The following MYOM3 variants were observed in gnomAD, a reference collection of about 807,000 sequenced individuals.
MYOM3 encodes the protein myomesin-3.
A neutral mutation model predicts 191.7 loss-of-function variants in MYOM3; 155 were observed. The observed-to-expected ratio is 0.81, with a 90% CI of 0.71 to 0.92. The LOEUF (loss-of-function observed/expected upper bound fraction) is 0.92. Ranked by LOEUF, MYOM3 falls within the 40% of genes least tolerant of loss-of-function variation. The probability of loss-of-function intolerance (pLI) is 0.00; values close to 1 mark genes in which losing one functional copy is unlikely to be tolerated. For synonymous variants in MYOM3, 757 were observed against 762.9 expected (o/e 0.99, Z 0.13); for missense variants, 1,889 against 1,890.6 (o/e 1.00, Z 0.02).
intron 29 of MYOM3, among the ~76,000 whole-genome samples, chr1:24,065,006 T>C (rs1335690049): frequency 1.3e-5 from 2 of 152,214 alleles, no homozygotes; most frequent in Non-Finnish European, 2.9e-5. Context: ...TGTAAAATCA[T>C]GGCATCATCC....
chr1:24,062,405 G>A (rs193256622), intron 32 of MYOM3, among the ~76,000 whole-genome samples: 337 of 152,286 alleles, frequency 2.2e-3, no homozygotes, highest in Middle Eastern at 6.8e-3. Flanking sequence ...TCAGAAACTC[G>A]CTGGGGGAGG....
chr1:24,102,801 G>A (rs1238924534), intron 5 of MYOM3, among the ~76,000 whole-genome samples: 2 of 152,144 alleles, frequency 1.3e-5, no homozygotes, highest in South Asian at 2.1e-4. Context: ...AGCTGTGACT[G>A]CACCACTGCA....
Position 24,065,798 on chromosome 1 carries a change from C to T in MYOM3, c.3534+93G>A, listed in dbSNP as rs192933165. The T allele has an allele frequency of 1.1e-3, 1,049 of 943,466 alleles. 2 individuals carry two copies. Among genetic ancestry groups the T allele is most frequent in the Non-Finnish European group, 1.4e-3 (769 of 567,860 alleles). 58.4% of individuals were successfully genotyped at this position (943,466 alleles called of 1,614,324 possible). On this transcript the variant is annotated intron_variant, in intron 29 of 36. Transcript: ENST00000374434. The stretch of plus-strand genomic sequence containing the variant: ...GGCCTCACTTGCATCAACCTAGCCT[C>T]GGCCCTGCCCTGACTCCCAGCCCAG...
chr1:24,071,073 C>G, intron 25 of MYOM3, 44 bp downstream of exon 25: 1 of 1,600,062 alleles, frequency 6.2e-7, no homozygotes, highest in Non-Finnish European at 8.5e-7. Context: ...GGCCACCTCC[C>G]CGGCAGGGGA....
chr1:24,082,134 A>G lies in MYOM3; in HGVS notation c.2147T>C (p.Met716Thr). The G allele has an allele frequency of 6.2e-7, 1 of 1,613,646 alleles. No individual in the cohort carries two copies. Among genetic ancestry groups the G allele is most frequent in the African/African-American group, 1.3e-5 (1 of 74,990 alleles). ...CTTGGGGGGTTTCCACCCAATGACC[A>G]TTTCATTCTTCCCGCAGTTCAGGAG... is the stretch of plus-strand genomic sequence containing the variant. The part of the protein sequence containing the change: ...FALLNCGKNE[M>T]VIGWKPPKRR... The change falls in exon 18 of 37, where the codon ATG becomes ACG. Residue 716 changes from methionine to threonine, a missense_variant. By Grantham distance (81) the Met-to-Thr change is moderately conservative (BLOSUM62 -1). Transcript: ENST00000374434.
chr1:24,099,324 AT>A (rs11316470), intron 6 of MYOM3, among the ~76,000 whole-genome samples: 2,559 of 152,094 alleles, frequency 0.017, 81 homozygotes, highest in African/African-American at 0.057. Flanking sequence ...ATATTATGGT[AT>A]TTTTCTCTCC....
At chr1:24,076,500 A>G (rs1019238757) in intron 20 of MYOM3, among the ~76,000 whole-genome samples, 9 of 120,966 alleles carry the variant, frequency 7.4e-5, no homozygotes, top group African/African-American at 2.7e-4. Flanking sequence ...TTATTTCCCT[A>G]ATGTTTCTTT....
At chr1:24,061,916 T>A in intron 33 of MYOM3, 30 bp downstream of exon 33, 1 of 1,613,010 alleles carries the variant, frequency 6.2e-7, no homozygotes. Context: ...TCTAAGCAGG[T>A]TTCCCTGCAG....
rs544993678 is a variant in MYOM3 at position 24,103,894 on chromosome 1, G to T, written c.560+2026C>A. Among the ~76,000 whole-genome samples the T allele has an allele frequency of 2.0e-5, 3 of 151,570 alleles. No homozygotes were observed. In the South Asian group the frequency reaches 6.3e-4, roughly 32 times the overall value. On this transcript the variant is annotated intron_variant, in intron 5 of 36. Coordinates refer to ENST00000374434, the MANE Select transcript of MYOM3 (RefSeq NM_152372.4). ...AGTCCTTTGGATGTTAATCCGACTG[G>T]GTTGGTGCACCTAAATAATTAAATA...
chr1:24,099,966 C>G (rs1364417822), intron 5 of MYOM3, among the ~76,000 whole-genome samples, 191 bp from the exon 6 acceptor site: 1 of 152,098 alleles, frequency 6.6e-6, no homozygotes, highest in Non-Finnish European at 1.5e-5. Context: ...CTCTTGGGTT[C>G]AAGCAGTTCT....
At position 24,089,798 on chromosome 1, in the gene MYOM3, C is replaced by T. The variant is rs761912813; in HGVS notation, c.1487-133G>A. On this transcript the variant is annotated intron_variant, in intron 13 of 36. Coordinates refer to ENST00000374434, the MANE Select transcript of MYOM3 (RefSeq NM_152372.4). ...AGAGGGGCAGTAGTTGGCTCCAGGT[C>T]ACTCAGCAATGCTGGGCAGAGCCGG... 4.6e-4 allele frequency: 527 copies of T among 1,139,370 alleles called. 1 individual carries two copies. Among genetic ancestry groups the T allele is most frequent in the Non-Finnish European group, 6.0e-4 (490 of 811,264 alleles). 70.6% of individuals were successfully genotyped at this position (1,139,370 alleles called of 1,614,324 possible).
intron 17 of MYOM3, 71 bp from the exon 18 acceptor site, chr1:24,082,259 G>A: frequency 7.3e-7 from 1 of 1,366,614 alleles, no homozygotes; most frequent in East Asian, 2.5e-5. Context: ...GGGCCTGAGG[G>A]AGCTGACGAG....
In MYOM3 at chr1:24,057,302, G is replaced by A. The variant is rs1643313367; in HGVS notation, c.*62C>T. 1 of 1,543,914 alleles carries A rather than the reference G, an allele frequency of 6.5e-7. No homozygotes were observed. The highest frequency in any genetic ancestry group is 8.8e-7 in the Non-Finnish European group (1 of 1,131,926). On this transcript the variant is annotated 3_prime_UTR_variant, in exon 37 of 37. Coordinates refer to ENST00000374434, the MANE Select transcript of MYOM3 (RefSeq NM_152372.4). ...GTAGCCTGTGCCAGGCTGTGACCCT[G>A]GTACAGGTTGTCCCTACTGGTCCAT...
chr1:24,071,859 G>T (rs567691247), intron 24 of MYOM3, 110 bp downstream of exon 24: 7 of 1,114,658 alleles, frequency 6.3e-6, no homozygotes, highest in South Asian at 6.2e-5. Flanking sequence ...CCCACCCTCT[G>T]TCCCTCTGGG....
chr1:24,109,953 G>A (rs564184662), intron 1 of MYOM3, among the ~76,000 whole-genome samples: 167 of 152,370 alleles, frequency 1.1e-3, no homozygotes, highest in Non-Finnish European at 2.0e-3. Context: ...CCGTGATGGC[G>A]CCCAGTGGGG....
intron 5 of MYOM3, among the ~76,000 whole-genome samples, chr1:24,101,382 T>C (rs1643932438): frequency 6.6e-6 from 1 of 152,202 alleles, no homozygotes. Flanking sequence ...CCCAAATCAA[T>C]GAAATCAGAA....
At position 24,106,989 on chromosome 1, in the gene MYOM3, C is replaced by T. The variant is rs375221627; in HGVS notation, c.402+84G>A. 238 of 1,374,922 alleles carry T rather than the reference C, an allele frequency of 1.7e-4. No individual in the cohort carries two copies. The East Asian group carries it at 5.1e-3, about 29-fold the overall frequency. 85.2% of individuals were successfully genotyped at this position (1,374,922 alleles called of 1,614,324 possible). A position where few individuals can be genotyped will look rare whatever the true frequency, so the allele number is the denominator to read the frequency against. ...AGCCTGGACTCTGCCCTGGATGTCC[C>T]GCCTCTTGGGAAGGGGGTGAGGATG... On this transcript the variant is annotated intron_variant, in intron 4 of 36. Transcript: ENST00000374434.
At chr1:24,060,545 C>T (rs1215041551) in intron 35 of MYOM3, among the ~76,000 whole-genome samples, 1 of 152,196 alleles carries the variant, frequency 6.6e-6, no homozygotes, top group Non-Finnish European at 1.5e-5. Context: ...TGAGAGCAGA[C>T]AGCCAGACTC....
At chr1:24,064,411 T>C (rs1452205980) in intron 29 of MYOM3, 8 of 485,402 alleles carry the variant, frequency 1.6e-5, no homozygotes, top group Non-Finnish European at 3.0e-5. Flanking sequence ...GTAGGGGGAG[T>C]TGAGGACAGA....
Sources: allele counts gnomAD v4.1 joint callset (sites outside exome capture counted in the v4.1 genomes callset), GRCh38; gene constraint gnomAD v4.1.1; transcripts MANE v1.5; gene names NCBI Gene and HGNC (gene_info 2026-07-23, HGNC 2026-07-21).